The following ZNF503 variants were observed in gnomAD, a reference collection of about 807,000 sequenced individuals.
ZNF503 encodes the protein zinc finger protein 503, also known as NocA-like zinc finger 2.
A neutral mutation model predicts 34.4 loss-of-function variants in ZNF503; 15 were observed. The ratio of observed to expected loss-of-function variants is 0.44; its 90% CI spans 0.29 to 0.67. ZNF503 has a LOEUF of 0.67. Ranked by LOEUF, ZNF503 falls within the 30% of genes least tolerant of loss-of-function variation. The probability of loss-of-function intolerance (pLI) is 0.13; values close to 1 mark genes in which losing one functional copy is unlikely to be tolerated. For missense variants in ZNF503, 1,007 were observed against 926.8 expected (o/e 1.09, Z -1.12); for synonymous variants, 580 against 456.8 (o/e 1.27, Z -3.44).
At chr10:75,325,403 T>C in the ZNF503 span, among the ~76,000 whole-genome samples, 2 of 151,916 alleles carry the variant, frequency 1.3e-5, no homozygotes, top group African/African-American at 2.4e-5. Context: ...AGCTCACTCA[T>C]TGCAGCCTTG....
chr10:75,386,425 C>T, the ZNF503 span, among the ~76,000 whole-genome samples: 4 of 152,310 alleles, frequency 2.6e-5, no homozygotes, highest in South Asian at 8.3e-4. Context: ...CATTGCATAG[C>T]CCAATACCTG....
the ZNF503 span, among the ~76,000 whole-genome samples, chr10:75,354,522 G>A: frequency 4.0e-5 from 6 of 151,826 alleles, no homozygotes; most frequent in Non-Finnish European, 5.9e-5. Flanking sequence ...AGACCAGCCC[G>A]CACAGTATAG....
At chr10:75,290,206 C>T in the ZNF503 span, among the ~76,000 whole-genome samples, 1 of 152,154 alleles carries the variant, frequency 6.6e-6, no homozygotes, top group Non-Finnish European at 1.5e-5. Context: ...CCATTGTGTG[C>T]ATATACCCCA....
chr10:75,345,664 A>G, the ZNF503 span, among the ~76,000 whole-genome samples: 3 of 150,898 alleles, frequency 2.0e-5, no homozygotes, highest in Admixed American at 6.6e-5. Context: ...AAAAGAAAAG[A>G]AAAAGAAAAA....
the ZNF503 span, among the ~76,000 whole-genome samples, chr10:75,381,664 T>A: frequency 6.6e-6 from 1 of 152,116 alleles, no homozygotes; most frequent in African/African-American, 2.4e-5. Flanking sequence ...GAACTTTGAG[T>A]CTCTGATAAC....
the ZNF503 span, among the ~76,000 whole-genome samples, chr10:75,354,225 C>T: frequency 6.6e-6 from 1 of 152,232 alleles, no homozygotes; most frequent in South Asian, 2.1e-4. Context: ...GACAAGAGAA[C>T]ATGGGGTTAC....
At chr10:75,311,252 C>T in the ZNF503 span, among the ~76,000 whole-genome samples, 2,973 of 152,270 alleles carry the variant, frequency 0.02, 111 homozygotes, top group African/African-American at 0.068. Flanking sequence ...CATTCTTCTG[C>T]CTGCTTTTAT....
chr10:75,399,491 C>A lies in ZNF503; in HGVS notation c.1199G>T (p.Gly400Val). 11 of 1,566,484 alleles carry A rather than the reference C, an allele frequency of 7.0e-6. No homozygotes were observed. The highest frequency in any genetic ancestry group is 9.5e-6 in the Non-Finnish European group (11 of 1,163,142). ...GGCCGGCTTACTGCAGCCCAGAGAC[C>A]CGGCCGCGGCCGCCGCCAGCTGCGC... is the stretch of plus-strand genomic sequence containing the variant. The part of the protein sequence containing the change: ...VGAQLAAAAA[G>V]SLGCSKPAGS... The change falls in exon 2 of 2, where the codon GGG becomes GTG. Residue 400 changes from glycine to valine, a missense_variant. Transcript: ENST00000372524.
At chr10:75,400,628 G>A (rs1234870846) in intron 1 of ZNF503, among the ~76,000 whole-genome samples, 2 of 151,988 alleles carry the variant, frequency 1.3e-5, no homozygotes, top group Admixed American at 6.5e-5. Context: ...CTCTCTGAGC[G>A]CTAACTAGAT....
the ZNF503 span, among the ~76,000 whole-genome samples, chr10:75,352,641 G>A: frequency 6.6e-6 from 1 of 152,202 alleles, no homozygotes; most frequent in Admixed American, 6.5e-5. Flanking sequence ...TTACTTTTGG[G>A]ATCTCTGGTC....
At chr10:75,337,143 G>T in the ZNF503 span, among the ~76,000 whole-genome samples, 1 of 151,916 alleles carries the variant, frequency 6.6e-6, no homozygotes, top group Non-Finnish European at 1.5e-5. Context: ...GGGTAACATG[G>T]TGAAACCCCA....
the ZNF503 span, among the ~76,000 whole-genome samples, chr10:75,369,756 G>A: frequency 6.6e-6 from 1 of 152,302 alleles, no homozygotes; most frequent in Admixed American, 6.5e-5. Flanking sequence ...AAGATATGAA[G>A]GGAGAATCTG....
chr10:75,303,831 C>CTT, the ZNF503 span, among the ~76,000 whole-genome samples: 18,218 of 124,358 alleles, frequency 0.15, 1,747 homozygotes, highest in Non-Finnish European at 0.19. Context: ...GTGGCTAAAT[C>CTT]TTTTTTTTTT....
At chr10:75,298,761 T>A in the ZNF503 span, among the ~76,000 whole-genome samples, 1,577 of 151,432 alleles carry the variant, frequency 0.01, 31 homozygotes, top group African/African-American at 0.036. Flanking sequence ...TAACTTAAAA[T>A]TTTTTAATAT....
At chr10:75,374,488 C>T in the ZNF503 span, among the ~76,000 whole-genome samples, 1 of 152,162 alleles carries the variant, frequency 6.6e-6, no homozygotes, top group Non-Finnish European at 1.5e-5. Context: ...TTGCCACCCT[C>T]TTGTCCTAGA....
the ZNF503 span, among the ~76,000 whole-genome samples, chr10:75,389,061 C>T: frequency 6.6e-6 from 1 of 152,122 alleles, no homozygotes; most frequent in African/African-American, 2.4e-5. Context: ...TGATGTGGAG[C>T]GTGTAGAATT....
chr10:75,297,679 C>A, the ZNF503 span, among the ~76,000 whole-genome samples: 1 of 152,222 alleles, frequency 6.6e-6, no homozygotes, highest in African/African-American at 2.4e-5. Flanking sequence ...TTAATTGGCT[C>A]ATTCATGGCC....
chr10:75,363,081 T>TACACACACACACAC, the ZNF503 span, among the ~76,000 whole-genome samples: 6 of 148,758 alleles, frequency 4.0e-5, no homozygotes, highest in African/African-American at 4.9e-5. Context: ...CATGCATGCA[T>TACACACACACACAC]ACACACACAC....
At chr10:75,358,151 A>C in the ZNF503 span, 3 of 152,180 alleles carry the variant, frequency 2.0e-5, no homozygotes. Context: ...CTGGTTCCCT[A>C]AGCTTTTGCT....
Sources: allele counts gnomAD v4.1 joint callset (sites outside exome capture counted in the v4.1 genomes callset), GRCh38; gene constraint gnomAD v4.1.1; transcripts MANE v1.5; gene names NCBI Gene and HGNC (gene_info 2026-07-23, HGNC 2026-07-21).